Variants in GHR observed in about 807,000 individuals in gnomAD.
GHR encodes the protein growth hormone receptor, also known as GH receptor.
GHR carries 35 observed loss-of-function variants against 67.1 expected under a neutral mutation model. That is an observed-to-expected ratio of 0.52 (90% CI 0.40 to 0.69). GHR has a LOEUF of 0.69. GHR is among the 30% of genes least tolerant of loss of function. The pLI is 0.00. For synonymous variants in GHR, 272 were observed against 269.1 expected (o/e 1.01, Z -0.10); for missense variants, 792 against 764.6 (o/e 1.04, Z -0.42).
intron 1 of GHR, among the ~76,000 whole-genome samples, chr5:42,518,674 C>T (rs955955545): frequency 6.6e-6 from 1 of 152,078 alleles, no homozygotes; most frequent in Admixed American, 6.5e-5. Flanking sequence ...ATTGCATGAC[C>T]ATTTCTGATT....
At chr5:42,489,952 A>T (rs1377489457) in intron 1 of GHR, among the ~76,000 whole-genome samples, 1 of 152,238 alleles carries the variant, frequency 6.6e-6, no homozygotes, top group Non-Finnish European at 1.5e-5. Context: ...AAGACGAGAA[A>T]AAAAAACAAT....
intron 1 of GHR, chr5:42,465,967 T>C: frequency 1.5e-6 from 1 of 660,384 alleles, no homozygotes; most frequent in Non-Finnish European, 2.8e-6. Flanking sequence ...CACCGTGAAG[T>C]TGTTGAGCAG....
intron 1 of GHR, among the ~76,000 whole-genome samples, chr5:42,448,045 A>G (rs535479140): frequency 2.0e-5 from 3 of 152,056 alleles, no homozygotes; most frequent in Non-Finnish European, 4.4e-5. Flanking sequence ...TACAAGCATG[A>G]GTCACCATGC....
At chr5:42,674,756 G>A (rs936628848) in intron 3 of GHR, among the ~76,000 whole-genome samples, 1 of 152,036 alleles carries the variant, frequency 6.6e-6, no homozygotes, top group African/African-American at 2.4e-5. Flanking sequence ...TCAGTTGATG[G>A]ACCTTTGAGT....
chr5:42,492,333 G>A (rs1746150613), intron 1 of GHR, among the ~76,000 whole-genome samples: 1 of 152,168 alleles, frequency 6.6e-6, no homozygotes. Context: ...AATATGGGTG[G>A]TATAAATAAA....
At chr5:42,470,249 C>A (rs1158503112) in intron 1 of GHR, among the ~76,000 whole-genome samples, 2 of 141,920 alleles carry the variant, frequency 1.4e-5, no homozygotes, top group African/African-American at 2.5e-5. Flanking sequence ...TAATGTATTA[C>A]ATGTATTAAT....
chr5:42,552,196 G>T lies in GHR; in HGVS notation c.-11-13668G>T, dbSNP rs1749071337. ...AGGACAGTAAACATAAGCCTCCTGG[G>T]AACTGAACTTTTAATTCAGGAGGAC... is the stretch of plus-strand genomic sequence containing the variant. On this transcript the variant is annotated intron_variant, in intron 1 of 9. Transcript: ENST00000230882. Among the ~76,000 whole-genome samples, 3 of 152,154 alleles carry T rather than the reference G, an allele frequency of 2.0e-5. No individual in the cohort carries two copies. In the South Asian group the frequency reaches 6.2e-4, roughly 32 times the overall value.
intron 1 of GHR, chr5:42,467,466 A>G (rs1356048044): frequency 1.0e-6 from 1 of 986,012 alleles, no homozygotes; most frequent in East Asian, 2.4e-5. Flanking sequence ...CATTACATTT[A>G]CAGCATTTTT....
intron 2 of GHR, among the ~76,000 whole-genome samples, chr5:42,597,690 TG>T (rs1752149085): frequency 2.0e-5 from 3 of 152,222 alleles, no homozygotes; most frequent in Admixed American, 1.3e-4. Context: ...CGGCTTCATT[TG>T]TAAGTACCAG....
intron 5 of GHR, among the ~76,000 whole-genome samples, chr5:42,695,950 G>T (rs1270838577): frequency 6.6e-6 from 1 of 152,170 alleles, no homozygotes; most frequent in East Asian, 1.9e-4. Flanking sequence ...CTTACAGATA[G>T]AAACAAATAA....
chr5:42,437,567 G>A (rs955773220), intron 1 of GHR, among the ~76,000 whole-genome samples: 24 of 141,456 alleles, frequency 1.7e-4, no homozygotes, highest in African/African-American at 6.6e-4. Context: ...TTATTTATTT[G>A]AAACGAAATC....
At position 42,659,998 on chromosome 5, in the gene GHR, G is replaced by A. The variant is rs566301825; in HGVS notation, c.137-28892G>A. Among the ~76,000 whole-genome samples, 887 of 152,220 alleles carry A rather than the reference G, an allele frequency of 5.8e-3. 5 individuals are homozygous for A. The highest frequency in any genetic ancestry group is 0.021 in the African/African-American group (854 of 41,524). Reference sequence around the variant, plus strand: ...GAGGGTCCTACGCCCACGGAGTCTCGCTGATTGCTAGCACAGCAGTCTGAG... The same window carrying A: ...GAGGGTCCTACGCCCACGGAGTCTCACTGATTGCTAGCACAGCAGTCTGAG... On this transcript the variant is annotated intron_variant, in intron 3 of 9. Coordinates refer to ENST00000230882, the MANE Select transcript of GHR (RefSeq NM_000163.5).
chr5:42,616,677 GA>G (rs11333795), intron 2 of GHR, among the ~76,000 whole-genome samples: 61,723 of 141,000 alleles, frequency 0.44, 14,446 homozygotes, highest in African/African-American at 0.65. Flanking sequence ...CTTTGCAGGG[GA>G]AAAAAAAAAA....
chr5:42,677,238 C>G (rs1264753892), intron 3 of GHR, among the ~76,000 whole-genome samples: 1 of 152,048 alleles, frequency 6.6e-6, no homozygotes, highest in African/African-American at 2.4e-5. Context: ...AAGAGTATTG[C>G]CAATATATCA....
At chr5:42,495,094 T>C (rs1419829381) in intron 1 of GHR, among the ~76,000 whole-genome samples, 2 of 151,500 alleles carry the variant, frequency 1.3e-5, no homozygotes, top group Non-Finnish European at 2.9e-5. Flanking sequence ...CCCCATTTTC[T>C]TTGATGGAGG....
intron 2 of GHR, among the ~76,000 whole-genome samples, chr5:42,581,530 G>C (rs1224392155): frequency 3.9e-5 from 6 of 152,236 alleles, no homozygotes; most frequent in Non-Finnish European, 7.3e-5. Context: ...TCTTCTGAAA[G>C]TTGGAAGGGA....
chr5:42,620,301 AT>A (rs1435619857), intron 2 of GHR, among the ~76,000 whole-genome samples: 1 of 152,080 alleles, frequency 6.6e-6, no homozygotes, highest in Non-Finnish European at 1.5e-5. Flanking sequence ...GCCTCACAAC[AT>A]TTTTTGAAAG....
chr5:42,557,328 G>A (rs909361405), intron 1 of GHR, among the ~76,000 whole-genome samples: 3 of 152,010 alleles, frequency 2.0e-5, no homozygotes, highest in Non-Finnish European at 2.9e-5. Context: ...TGTGGCTGGC[G>A]AAGAGCACAT....
At chr5:42,566,656 C>T (rs1011149379) in intron 2 of GHR, among the ~76,000 whole-genome samples, 3 of 144,844 alleles carry the variant, frequency 2.1e-5, no homozygotes, top group African/African-American at 8.1e-5. Context: ...ACTGTGCTCT[C>T]TAACGGGTGG....
Sources: gnomAD v4.1 joint callset for allele counts (sites outside exome capture counted in the v4.1 genomes callset) on GRCh38, gnomAD v4.1.1 for gene constraint, MANE v1.5 for transcripts, NCBI Gene and HGNC (gene_info 2026-07-23, HGNC 2026-07-21) for gene names.